Variants in WIF1 observed in about 807,000 individuals in gnomAD.
WIF1 encodes the protein Wnt inhibitory factor 1.
In WIF1, 35 loss-of-function variants were observed where a neutral mutation model predicts 53.5. The ratio of observed to expected loss-of-function variants is 0.65; its 90% CI spans 0.50 to 0.87. The LOEUF (loss-of-function observed/expected upper bound fraction) is 0.87. WIF1 is among the 40% of genes least tolerant of loss of function. The pLI, the probability that WIF1 is intolerant of heterozygous loss-of-function variation, is 0.00. For missense variants in WIF1, 467 were observed against 476.8 expected (o/e 0.98, Z 0.19); for synonymous variants, 171 against 170.4 (o/e 1.00, Z -0.03).
At chr12:65,102,849 T>C (rs1252078310) in intron 2 of WIF1, among the ~76,000 whole-genome samples, 3 of 152,176 alleles carry the variant, frequency 2.0e-5, no homozygotes, top group Non-Finnish European at 2.9e-5. Context: ...GTGTTTTATA[T>C]TGGGTGGACA....
intron 3 of WIF1, among the ~76,000 whole-genome samples, chr12:65,071,109 C>A (rs1025826481): frequency 6.6e-6 from 1 of 151,376 alleles, no homozygotes; most frequent in African/African-American, 2.4e-5. Context: ...TGGCATATAT[C>A]CATAATCCCA....
intron 2 of WIF1, among the ~76,000 whole-genome samples, chr12:65,097,139 C>T (rs549756032): frequency 6.6e-6 from 1 of 150,786 alleles, no homozygotes; most frequent in South Asian, 2.1e-4. Context: ...GCTCTGAAAA[C>T]TGGGCCTCTT....
intron 2 of WIF1, among the ~76,000 whole-genome samples, chr12:65,084,131 T>A (rs1035078680): frequency 2.5e-4 from 38 of 152,254 alleles, no homozygotes; most frequent in African/African-American, 7.9e-4. Flanking sequence ...CAAAATCTTA[T>A]CCTTTCTTCT....
At chr12:65,063,180 C>T (rs1264554117) in intron 6 of WIF1, among the ~76,000 whole-genome samples, 2 of 152,048 alleles carry the variant, frequency 1.3e-5, no homozygotes, top group African/African-American at 4.8e-5. Flanking sequence ...ACAGCAGGGA[C>T]CAGAGGATGA....
chr12:65,120,436 G>T lies in WIF1; in HGVS notation c.269C>A (p.Thr90Asn), dbSNP rs772912841. Residue 90 changes from threonine to asparagine, a missense_variant, in exon 2 of 10, where the codon ACC becomes AAC. By Grantham distance (65) the Thr-to-Asn change is moderately conservative. Coordinates refer to ENST00000286574, the MANE Select transcript of WIF1 (RefSeq NM_007191.5). ...ACTTACCTGCCCTGCAGCTTGCCAGGTAAAATTCATGGAATGGATATTGAC... is the reference window on the plus strand; with the variant it reads ...ACTTACCTGCCCTGCAGCTTGCCAGTTAAAATTCATGGAATGGATATTGAC... ...IPVNIHSMNF[T>N]WQAAGQAEYF... 2.5e-6 allele frequency: 4 copies of T among 1,613,216 alleles called. No homozygotes were observed. The East Asian group carries it at 6.7e-5, about 27-fold the overall frequency.
rs1882625958 is a variant in WIF1, at chr12:65,062,373, G to A, written c.826+108C>T. The stretch of plus-strand genomic sequence containing the variant: ...ACCACTGGCCTAAGACCTTAGACAA[G>A]TTATTCATTCTCTCTGGGCTTCCGA... On this transcript the variant is annotated intron_variant, in intron 7 of 9. Coordinates refer to ENST00000286574, the MANE Select transcript of WIF1 (RefSeq NM_007191.5). 10 of 950,388 alleles carry A rather than the reference G, an allele frequency of 1.1e-5. No homozygotes were observed. In the East Asian group the frequency reaches 1.9e-4, roughly 18 times the overall value. The allele number at this position is 950,388 out of a possible 1,614,324, so 58.9% of individuals were successfully genotyped here.
intron 9 of WIF1, among the ~76,000 whole-genome samples, chr12:65,052,411 G>A (rs1323504339): frequency 1.3e-5 from 2 of 152,088 alleles, no homozygotes; most frequent in African/African-American, 4.8e-5. Context: ...CATGCTGCTT[G>A]GCCTGTGACC....
intron 2 of WIF1, among the ~76,000 whole-genome samples, chr12:65,112,450 A>ACACACACC (rs1465604431): frequency 1.1e-4 from 17 of 148,234 alleles, no homozygotes; most frequent in African/African-American, 3.8e-4. Flanking sequence ...ACACACACAC[A>ACACACACC]CCATCCTGGA....
chr12:65,089,444 G>A (rs894429884), intron 2 of WIF1, among the ~76,000 whole-genome samples: 2 of 151,904 alleles, frequency 1.3e-5, no homozygotes, highest in Non-Finnish European at 2.9e-5. Flanking sequence ...TCCCTCAATC[G>A]GCACCATCAT....
chr12:65,110,125 T>C (rs943213331), intron 2 of WIF1, among the ~76,000 whole-genome samples: 1 of 152,306 alleles, frequency 6.6e-6, no homozygotes, highest in Admixed American at 6.5e-5. Context: ...TTAGAGATAA[T>C]CCAAACTGCT....
rs1021071297 is a variant in WIF1 at position 65,113,412 on chromosome 12, T to C, written c.288+7005A>G. Among the ~76,000 whole-genome samples the C allele has an allele frequency of 2.0e-5, 3 of 152,288 alleles. No individual in the cohort carries two copies. The South Asian group carries it at 6.2e-4, about 32-fold the overall frequency. On this transcript the variant is annotated intron_variant, in intron 2 of 9. Coordinates refer to ENST00000286574, the MANE Select transcript of WIF1 (RefSeq NM_007191.5). ...GCTTCACCACAACAATTTCAAAGATTTTATTTGTGCGAGCAATTTAGAATC... is the reference window on the plus strand; with the variant it reads ...GCTTCACCACAACAATTTCAAAGATCTTATTTGTGCGAGCAATTTAGAATC...
At chr12:65,115,317 A>G (rs1420733626) in intron 2 of WIF1, among the ~76,000 whole-genome samples, 1 of 152,216 alleles carries the variant, frequency 6.6e-6, no homozygotes, top group Non-Finnish European at 1.5e-5. Flanking sequence ...CTTTGTAAGT[A>G]AAGATCTATT....
chr12:65,052,723 C>G (rs1361944157), intron 9 of WIF1, among the ~76,000 whole-genome samples: 1 of 152,132 alleles, frequency 6.6e-6, no homozygotes, highest in Non-Finnish European at 1.5e-5. Context: ...GCATGCAATG[C>G]TTGGATTTGA....
chr12:65,062,218 C>G (rs1882623693), intron 7 of WIF1, among the ~76,000 whole-genome samples: 2 of 152,132 alleles, frequency 1.3e-5, no homozygotes, highest in Admixed American at 1.3e-4. Flanking sequence ...AACAATGCAA[C>G]TGTTGAATAA....
intron 6 of WIF1, among the ~76,000 whole-genome samples, chr12:65,063,021 A>G (rs553805081): frequency 1.3e-5 from 2 of 152,276 alleles, no homozygotes; most frequent in South Asian, 4.1e-4. Context: ...ACAAAAAAGC[A>G]ACTTTCTTTC....
chr12:65,056,677 T>C (rs7305974), intron 7 of WIF1, among the ~76,000 whole-genome samples: 5,151 of 152,198 alleles, frequency 0.034, 194 homozygotes, highest in African/African-American at 0.092. Flanking sequence ...TGAGATGGAA[T>C]CTTGCTATTT....
intron 1 of WIF1, 82 bp downstream of exon 1, chr12:65,120,962 A>C: frequency 1.5e-6 from 2 of 1,357,038 alleles, no homozygotes; most frequent in Non-Finnish European, 1.9e-6. Context: ...TTAAAACACA[A>C]GAAACGCAGG....
chr12:65,076,009 C>A (rs984990490), intron 3 of WIF1, among the ~76,000 whole-genome samples: 13 of 152,040 alleles, frequency 8.6e-5, no homozygotes, highest in African/African-American at 3.1e-4. Context: ...AAGACTGTGA[C>A]AAATGACTTT....
chr12:65,121,299 C>G lies in WIF1; in HGVS notation c.-108G>C. 1.6e-6 allele frequency: 2 copies of G among 1,273,002 alleles called. No homozygotes were observed. The highest frequency in any genetic ancestry group is 2.0e-6 in the Non-Finnish European group (2 of 1,005,004). The allele number at this position is 1,273,002 out of a possible 1,614,324, so 78.9% of individuals were successfully genotyped here. On this transcript the variant is annotated 5_prime_UTR_variant, in exon 1 of 10. Coordinates refer to ENST00000286574, the MANE Select transcript of WIF1 (RefSeq NM_007191.5). ...TGCAGCTCCCTCAGCCAGGGCTGTTCCCGTTTAGACGGCTGGGCGCGTCGC... is the reference window on the plus strand; with the variant it reads ...TGCAGCTCCCTCAGCCAGGGCTGTTGCCGTTTAGACGGCTGGGCGCGTCGC...
Sources: allele counts gnomAD v4.1 joint callset (sites outside exome capture counted in the v4.1 genomes callset), GRCh38; gene constraint gnomAD v4.1.1; transcripts MANE v1.5; gene names NCBI Gene and HGNC (gene_info 2026-07-23, HGNC 2026-07-21).